TMED3: variants seen among roughly 807,000 people sequenced by gnomAD.
TMED3 encodes transmembrane p24 trafficking protein 3.
In TMED3, 9 loss-of-function variants were observed where a neutral mutation model predicts 15.0. The observed-to-expected ratio is 0.60, with a 90% confidence interval of 0.36 to 1.04. TMED3 has a LOEUF of 1.04. Ranked by LOEUF, TMED3 falls within the 50% of genes least tolerant of loss-of-function variation. The probability of loss-of-function intolerance (pLI) is 0.01; values close to 1 mark genes in which losing one functional copy is unlikely to be tolerated. For missense variants in TMED3, 267 were observed against 278.9 expected (o/e 0.96, Z 0.30); for synonymous variants, 117 against 121.4 (o/e 0.96, Z 0.24).
intron 2 of TMED3, among the ~76,000 whole-genome samples, chr15:79,345,128 C>G (rs1389053628): frequency 6.6e-6 from 1 of 152,058 alleles, no homozygotes; most frequent in Non-Finnish European, 1.5e-5. Context: ...ATAGAAAGCT[C>G]TTTTTAAAAA....
chr15:79,377,325 G>A (rs1403566486), intron 2 of TMED3, among the ~76,000 whole-genome samples: 1 of 151,550 alleles, frequency 6.6e-6, no homozygotes, highest in Non-Finnish European at 1.5e-5. Context: ...AGAATGTGGG[G>A]AGGGATTTTC....
rs1308152213 is a variant in TMED3 at position 79,322,199 on chromosome 15, G to T, written c.639G>T (p.Arg213Ser). The T allele has an allele frequency of 6.2e-7, 1 of 1,613,756 alleles. No homozygotes were observed. The highest frequency in any genetic ancestry group is 8.5e-7 in the Non-Finnish European group (1 of 1,179,830). ...TCACAGAAAAACGACCCATCAGCAG[G>T]GCAGTCCACTCCTAGCCCCGGCATC... ...SFFTEKRPIS[R>S]AVHS is the part of the protein sequence containing the mutation. Residue 213 changes from arginine (R) to serine (S), a missense_variant, in exon 3 of 3, where the codon AGG becomes AGT. Physicochemically the swap from Arg to Ser is moderately radical, Grantham distance 110. This residue lies in a region of TMED3 where 139 missense variants were observed against 125.0 expected (regional missense o/e 1.11). Coordinates refer to ENST00000299705, the MANE Select transcript of TMED3 (RefSeq NM_007364.4).
intron 2 of TMED3, among the ~76,000 whole-genome samples, chr15:79,404,072 C>T (rs1272304852): frequency 6.6e-6 from 1 of 152,180 alleles, no homozygotes; most frequent in Non-Finnish European, 1.5e-5. Flanking sequence ...CATATTCACA[C>T]ACCTTCTTTG....
At chr15:79,381,209 T>G (rs1893529591) in intron 2 of TMED3, among the ~76,000 whole-genome samples, 1 of 152,104 alleles carries the variant, frequency 6.6e-6, no homozygotes, top group African/African-American at 2.4e-5. Context: ...TACCACCAGG[T>G]GGCAGCATCC....
At chr15:79,402,791 A>G (rs1893850883) in intron 2 of TMED3, among the ~76,000 whole-genome samples, 1 of 151,836 alleles carries the variant, frequency 6.6e-6, no homozygotes, top group South Asian at 2.1e-4. Context: ...GTCTCAAATA[A>G]AAATAAAAAT....
intron 2 of TMED3, among the ~76,000 whole-genome samples, chr15:79,357,676 C>T (rs1238409433): frequency 6.6e-6 from 1 of 151,956 alleles, no homozygotes; most frequent in African/African-American, 2.4e-5. Context: ...GTAGAGGGAG[C>T]TGGCGGCCCT....
exon 3 of TMED3, chr15:79,413,542 G>A (rs1392358860): frequency 1.3e-5 from 2 of 152,236 alleles, no homozygotes; most frequent in Non-Finnish European, 2.9e-5. Flanking sequence ...TTTGAAGAGG[G>A]GAAATTGCCA....
chr15:79,338,886 C>T (rs1054059121), intron 2 of TMED3, among the ~76,000 whole-genome samples: 16 of 152,128 alleles, frequency 1.1e-4, no homozygotes, highest in African/African-American at 3.9e-4. Context: ...GAAAAACACC[C>T]ACTACTAAGC....
At chr15:79,405,437 C>T (rs775726853) in intron 2 of TMED3, among the ~76,000 whole-genome samples, 1 of 152,164 alleles carries the variant, frequency 6.6e-6, no homozygotes, top group Non-Finnish European at 1.5e-5. Flanking sequence ...TCGTGTCCTG[C>T]TCAAAACTGG....
At chr15:79,318,189 C>G (rs573586875) in intron 2 of TMED3, among the ~76,000 whole-genome samples, 1 of 119,146 alleles carries the variant, frequency 8.4e-6, no homozygotes, top group African/African-American at 3.3e-5. Context: ...TCCATCTTCT[C>G]TGGCAGGCTC....
At chr15:79,403,187 C>T (rs971190788) in intron 2 of TMED3, among the ~76,000 whole-genome samples, 1 of 135,880 alleles carries the variant, frequency 7.4e-6, no homozygotes, top group South Asian at 2.5e-4. Context: ...CACATCACTG[C>T]GCTCCAGCCT....
chr15:79,341,797 G>T (rs974707793), intron 2 of TMED3, among the ~76,000 whole-genome samples: 2 of 152,184 alleles, frequency 1.3e-5, no homozygotes, highest in South Asian at 2.1e-4. Flanking sequence ...CAGTGATTTT[G>T]CCCCTGAGGA....
chr15:79,411,190 G>A (rs1482985156), intron 2 of TMED3, among the ~76,000 whole-genome samples: 13 of 152,172 alleles, frequency 8.5e-5, no homozygotes, highest in Admixed American at 8.5e-4. Context: ...TTTATCTTGT[G>A]GTTCCCAAGA....
At chr15:79,364,838 T>G (rs1012331274) in intron 2 of TMED3, among the ~76,000 whole-genome samples, 1 of 152,044 alleles carries the variant, frequency 6.6e-6, no homozygotes, top group African/African-American at 2.4e-5. Context: ...CACCACCCAG[T>G]AAAACCCCAC....
intron 2 of TMED3, among the ~76,000 whole-genome samples, chr15:79,341,923 C>T (rs1431099500): frequency 6.6e-6 from 1 of 152,140 alleles, no homozygotes; most frequent in East Asian, 1.9e-4. Context: ...GGACAGCCCT[C>T]CACTGATGAA....
rs373095179 is a variant in TMED3 at position 79,405,104 on chromosome 15, A to G, written c.418-6296A>G. Among the ~76,000 whole-genome samples, 7 of 152,320 alleles carry G rather than the reference A, an allele frequency of 4.6e-5. No individual in the cohort carries two copies. The East Asian group carries it at 7.7e-4, about 17-fold the overall frequency. ...GCATGACTTAGTGCATCTGAAAAAT[A>G]TCAGTTCATAATACTCAGCTCCAAT... On this transcript the variant is annotated intron_variant, in intron 2 of 2. Coordinates refer to the TMED3 transcript ENST00000424155.
At chr15:79,384,179 C>T (rs1183538027) in intron 2 of TMED3, 2 of 152,246 alleles carry the variant, frequency 1.3e-5, no homozygotes, top group East Asian at 3.9e-4. Flanking sequence ...TTTCCTTCAA[C>T]AGTCCAAAAC....
chr15:79,413,788 C>G (rs558600285), exon 3 of TMED3: 2 of 152,210 alleles, frequency 1.3e-5, no homozygotes, highest in Non-Finnish European at 2.9e-5. Context: ...GCCTTCATAC[C>G]AACCTCGTCA....
intron 2 of TMED3, among the ~76,000 whole-genome samples, chr15:79,360,910 T>G (rs1893116239): frequency 6.6e-6 from 1 of 152,228 alleles, no homozygotes; most frequent in African/African-American, 2.4e-5. Flanking sequence ...AGTGCACTAT[T>G]GTGATCATAA....
Sources: allele counts gnomAD v4.1 joint callset (sites outside exome capture counted in the v4.1 genomes callset), GRCh38; gene constraint gnomAD v4.1.1; regional missense constraint gnomAD v4.1.1; transcripts MANE v1.5; gene names NCBI Gene and HGNC (gene_info 2026-07-23, HGNC 2026-07-21).